The following EZH2 variants were observed in gnomAD, a reference collection of about 807,000 sequenced individuals.
The protein encoded by EZH2 is histone-lysine N-methyltransferase EZH2.
EZH2 carries 18 observed loss-of-function variants against 98.4 expected under a neutral mutation model. The ratio of observed to expected loss-of-function variants is 0.18; its 90% CI spans 0.13 to 0.27. EZH2 has a LOEUF of 0.27. Ranked by LOEUF, EZH2 falls within the 10% of genes least tolerant of loss-of-function variation. EZH2 has a pLI of 1.00. For synonymous variants in EZH2, 338 were observed against 312.3 expected (o/e 1.08, Z -0.87); for missense variants, 470 against 935.1 (o/e 0.50, Z 6.49).
intron 3 of EZH2, among the ~76,000 whole-genome samples, chr7:148,837,499 G>C (rs1319819794): frequency 1.3e-5 from 2 of 152,188 alleles, no homozygotes; most frequent in Non-Finnish European, 2.9e-5. Context: ...ACACGCCCAA[G>C]TTTTAAATTA....
At chr7:148,823,899 G>C (rs928245917) in intron 8 of EZH2, among the ~76,000 whole-genome samples, 1 of 152,102 alleles carries the variant, frequency 6.6e-6, no homozygotes, top group African/African-American at 2.4e-5. Flanking sequence ...ACAAGAGCCA[G>C]GTACCATTTT....
intron 8 of EZH2, among the ~76,000 whole-genome samples, chr7:148,825,347 TGAG>T (rs1298748410): frequency 2.0e-5 from 3 of 152,194 alleles, no homozygotes; most frequent in Admixed American, 1.3e-4. Context: ...TTAAACTAGA[TGAG>T]GAGTTAGAAC....
At chr7:148,825,900 T>C (rs1230483013) in intron 8 of EZH2, among the ~76,000 whole-genome samples, 2 of 152,200 alleles carry the variant, frequency 1.3e-5, no homozygotes, top group Non-Finnish European at 2.9e-5. Flanking sequence ...AGAAACCACA[T>C]TCCCTAGAAA....
chr7:148,835,333 G>A (rs1810598917), intron 3 of EZH2, among the ~76,000 whole-genome samples: 1 of 151,674 alleles, frequency 6.6e-6, no homozygotes, highest in Non-Finnish European at 1.5e-5. Context: ...TGAGGTGGGA[G>A]GATCACTTGA....
At chr7:148,846,727 T>C (rs554237602) in intron 2 of EZH2, 129 bp from the exon 3 acceptor site, 14 of 774,194 alleles carry the variant, frequency 1.8e-5, no homozygotes, top group South Asian at 7.5e-5. Context: ...TAGGTGCATA[T>C]AGATTTTACA....
chr7:148,881,779 CA>C (rs1179958657), intron 1 of EZH2, among the ~76,000 whole-genome samples: 8 of 151,836 alleles, frequency 5.3e-5, no homozygotes, highest in African/African-American at 1.9e-4. Context: ...GCTAAAAATA[CA>C]AAAATTAGCC....
intron 1 of EZH2, among the ~76,000 whole-genome samples, chr7:148,849,024 GTAAA>G (rs1287723705): frequency 1.3e-5 from 2 of 151,960 alleles, no homozygotes; most frequent in Non-Finnish European, 2.9e-5. Context: ...TAAATGCCAT[GTAAA>G]TAGTTGTTAT....
chr7:148,857,773 A>ATAAT (rs1221684692), intron 1 of EZH2, among the ~76,000 whole-genome samples: 1 of 151,946 alleles, frequency 6.6e-6, no homozygotes, highest in Non-Finnish European at 1.5e-5. Context: ...AAATAAATAA[A>ATAAT]TAATTAAAAA....
At chr7:148,825,599 C>T (rs185570816) in intron 8 of EZH2, among the ~76,000 whole-genome samples, 2 of 152,120 alleles carry the variant, frequency 1.3e-5, no homozygotes, top group African/African-American at 4.8e-5. Flanking sequence ...CATTGGTGAA[C>T]GAGGAGGAAT....
chr7:148,824,726 T>C (rs1001803931), intron 8 of EZH2, among the ~76,000 whole-genome samples: 14 of 152,348 alleles, frequency 9.2e-5, no homozygotes, highest in Admixed American at 7.8e-4. Flanking sequence ...ATGTGTGGTA[T>C]TTTGTCGAAG....
intron 1 of EZH2, among the ~76,000 whole-genome samples, chr7:148,873,644 T>C (rs1819782420): frequency 6.9e-6 from 1 of 145,480 alleles, no homozygotes; most frequent in African/African-American, 2.6e-5. Context: ...TACTTTAAAA[T>C]TTTACAGTAA....
intron 1 of EZH2, among the ~76,000 whole-genome samples, chr7:148,855,897 C>CAAAAAAAAAAAAAA (rs34692092): frequency 2.4e-5 from 1 of 41,016 alleles, no homozygotes; most frequent in African/African-American, 1.1e-4. Flanking sequence ...GACTCCATCT[C>CAAAAAAAAAAAAAA]AAAAAAAAAA....
At chr7:148,873,491 CA>C (rs1162280467) in intron 1 of EZH2, among the ~76,000 whole-genome samples, 753 of 58,508 alleles carry the variant, frequency 0.013, no homozygotes, top group African/African-American at 0.041. Context: ...GACTCTGTCT[CA>C]AAAAAAAAAA....
Position 148,848,845 on chromosome 7 carries a change from C to A in EZH2, c.-7-1540G>T, listed in dbSNP as rs150703093. 8.0e-3 allele frequency among the ~76,000 whole-genome samples: 1,215 copies of A among 152,044 alleles called. 11 individuals carry two copies. The highest frequency in any genetic ancestry group is 0.028 in the African/African-American group (1,146 of 41,468). ...TGGTTCCAGGACACCCCTCGGATAC[C>A]AAAATCCACAGATGCTCAAAAGTCC... On this transcript the variant is annotated intron_variant, in intron 1 of 19. Transcript: ENST00000320356.
In EZH2 at chr7:148,881,972, G is replaced by GCACACA. The variant is rs3059438; in HGVS notation, c.-8+2186_-8+2191dup. On this transcript the variant is annotated intron_variant, in intron 1 of 19. Coordinates refer to ENST00000320356, the MANE Select transcript of EZH2 (RefSeq NM_004456.5). ...CATATACACACACACACACGCGCGCGCACACACACACACACACACACACAC... is the reference window on the plus strand; with the variant it reads ...CATATACACACACACACACGCGCGCGCACACACACACACACACACACACACACACAC... Among the ~76,000 whole-genome samples the GCACACA allele has an allele frequency of 6.4e-4, 84 of 131,850 alleles. 1 individual carries two copies. In the South Asian group the frequency reaches 9.4e-3, roughly 15 times the overall value. The allele number at this position is 131,850 out of a possible 152,430, so 86.5% of individuals were successfully genotyped here. A position where few individuals can be genotyped will look rare whatever the true frequency, so the allele number is the denominator to read the frequency against.
chr7:148,835,430 A>C (rs1810642063), intron 3 of EZH2, among the ~76,000 whole-genome samples: 1 of 151,950 alleles, frequency 6.6e-6, no homozygotes, highest in African/African-American at 2.4e-5. Flanking sequence ...CCTCAAAAAA[A>C]AAAAAAAAAA....
chr7:148,846,880 G>A (rs1444504478), intron 2 of EZH2, among the ~76,000 whole-genome samples: 15 of 86,626 alleles, frequency 1.7e-4, no homozygotes, highest in Non-Finnish European at 3.1e-4. Context: ...GTGTGTGTGT[G>A]TGTATTTTTT....
chr7:148,819,328 G>GACCA (rs1554491166), intron 9 of EZH2, among the ~76,000 whole-genome samples: 2 of 152,180 alleles, frequency 1.3e-5, no homozygotes, highest in Non-Finnish European at 1.5e-5. Context: ...TAGACTTTGT[G>GACCA]GAAGGCATAA....
At chr7:148,860,814 T>C (rs1239776769) in intron 1 of EZH2, among the ~76,000 whole-genome samples, 3 of 152,086 alleles carry the variant, frequency 2.0e-5, no homozygotes, top group South Asian at 2.1e-4. Context: ...TGGGACCACA[T>C]GTGCACACTA....
Sources: gnomAD v4.1 joint callset for allele counts (sites outside exome capture counted in the v4.1 genomes callset) on GRCh38, gnomAD v4.1.1 for gene constraint, MANE v1.5 for transcripts, NCBI Gene and HGNC (gene_info 2026-07-23, HGNC 2026-07-21) for gene names.